Variants in FOXN3 observed in about 807,000 individuals in gnomAD.
FOXN3 encodes the protein forkhead box protein N3.
A neutral mutation model predicts 38.4 loss-of-function variants in FOXN3; 7 were observed. The ratio of observed to expected loss-of-function variants is 0.18; its 90% CI spans 0.10 to 0.34. FOXN3 has a LOEUF of 0.34. Ranked by LOEUF, FOXN3 falls within the 10% of genes least tolerant of loss-of-function variation. The pLI, the probability that FOXN3 is intolerant of heterozygous loss-of-function variation, is 1.00. For synonymous variants in FOXN3, 230 were observed against 242.2 expected, an observed-to-expected ratio of 0.95 and a Z score of 0.47; for missense variants, 456 against 613.4, an observed-to-expected ratio of 0.74 and a Z score of 2.71.
chr14:89,316,308 C>T, intron 3 of FOXN3, among the ~76,000 whole-genome samples: 1 of 152,072 alleles, frequency 6.6e-6, no homozygotes, highest in East Asian at 1.9e-4. Context: ...CCAGCTAACA[C>T]CACAAGGAAT....
At chr14:89,358,452 C>T (rs1264718419) in intron 2 of FOXN3, among the ~76,000 whole-genome samples, 1 of 152,200 alleles carries the variant, frequency 6.6e-6, no homozygotes, top group Non-Finnish European at 1.5e-5. Context: ...GGGATACAGA[C>T]ACGGACTAGA....
At chr14:89,615,524 G>C (rs191427716) in intron 1 of FOXN3, among the ~76,000 whole-genome samples, 2 of 152,134 alleles carry the variant, frequency 1.3e-5, no homozygotes, top group East Asian at 1.9e-4. Context: ...AGCCCCTTTC[G>C]AAACGAAGTG....
At chr14:89,388,568 T>G (rs1890854265) in intron 2 of FOXN3, among the ~76,000 whole-genome samples, 1 of 152,058 alleles carries the variant, frequency 6.6e-6, no homozygotes, top group African/African-American at 2.4e-5. Context: ...AGCACTGGGT[T>G]AGACTGACTG....
At chr14:89,195,548 C>T (rs1596094786) in intron 4 of FOXN3, among the ~76,000 whole-genome samples, 1 of 152,150 alleles carries the variant, frequency 6.6e-6, no homozygotes, top group Admixed American at 6.5e-5. Flanking sequence ...ACAGCGGGGG[C>T]TTCTGCTTCA....
chr14:89,309,546 A>G (rs1887470645), intron 3 of FOXN3, among the ~76,000 whole-genome samples: 1 of 138,522 alleles, frequency 7.2e-6, no homozygotes, highest in Non-Finnish European at 1.6e-5. Flanking sequence ...TTAACTGGGT[A>G]TAACTAACCA....
intron 1 of FOXN3, among the ~76,000 whole-genome samples, chr14:89,531,081 CAT>C (rs905740121): frequency 1.2e-4 from 18 of 145,902 alleles, no homozygotes; most frequent in African/African-American, 3.2e-4. Context: ...TATACACACA[CAT>C]ATATATACAC....
chr14:89,503,322 C>A (rs561335923), intron 1 of FOXN3, among the ~76,000 whole-genome samples: 4 of 151,670 alleles, frequency 2.6e-5, no homozygotes, highest in South Asian at 2.1e-4. Context: ...AAAAAAAAAA[C>A]CCATACAGCT....
chr14:89,286,395 G>A (rs1169366728), intron 3 of FOXN3, among the ~76,000 whole-genome samples: 1 of 152,088 alleles, frequency 6.6e-6, no homozygotes, highest in Non-Finnish European at 1.5e-5. Context: ...GGATGGGGTG[G>A]GGGGAAAAAG....
intron 1 of FOXN3, among the ~76,000 whole-genome samples, chr14:89,477,647 C>A (rs1893239148): frequency 6.6e-6 from 1 of 152,182 alleles, no homozygotes; most frequent in South Asian, 2.1e-4. Context: ...TACACCACGG[C>A]CAGCCAGGAT....
At chr14:89,614,442 C>G (rs766450955) in intron 1 of FOXN3, among the ~76,000 whole-genome samples, 1 of 152,166 alleles carries the variant, frequency 6.6e-6, no homozygotes, top group Non-Finnish European at 1.5e-5. Context: ...GGTCAGTCAT[C>G]TTTTTCTGTA....
intron 1 of FOXN3, among the ~76,000 whole-genome samples, chr14:89,469,666 G>A (rs1264682198): frequency 2.6e-5 from 4 of 152,214 alleles, no homozygotes; most frequent in Admixed American, 6.5e-5. Context: ...CCTTGCCCCA[G>A]TGGATGAACG....
At chr14:89,421,112 C>CTTCTTTCAT (rs1243360004), upstream of FOXN3, among the ~76,000 whole-genome samples, 2 of 145,042 alleles carry the variant, frequency 1.4e-5, no homozygotes, top group East Asian at 4.0e-4. Flanking sequence ...TTTTTGTGTG[C>CTTCTTTCAT]TTCTTTCATA....
intron 1 of FOXN3, among the ~76,000 whole-genome samples, chr14:89,604,089 T>C (rs1170943043): frequency 6.6e-6 from 1 of 152,238 alleles, no homozygotes; most frequent in Non-Finnish European, 1.5e-5. Context: ...TGCAGGTTGA[T>C]AATGATCCTA....
chr14:89,275,950 C>T (rs188725639), intron 4 of FOXN3, among the ~76,000 whole-genome samples: 193 of 152,262 alleles, frequency 1.3e-3, no homozygotes, highest in African/African-American at 4.2e-3. Flanking sequence ...TAAGTCCTTC[C>T]ATTACATTAG....
intron 2 of FOXN3, among the ~76,000 whole-genome samples, chr14:89,402,580 A>G (rs914931349): frequency 6.6e-6 from 1 of 152,226 alleles, no homozygotes; most frequent in East Asian, 1.9e-4. Flanking sequence ...ACCAAGCTCT[A>G]GCCAATAAGA....
intron 4 of FOXN3, chr14:89,190,600 C>T (rs181050540): frequency 1.7e-6 from 1 of 592,920 alleles, no homozygotes; most frequent in East Asian, 2.9e-5. Context: ...ACTTTCTTCC[C>T]AGTGGGATTT....
At chr14:89,281,639 G>C (rs982978069) in intron 3 of FOXN3, among the ~76,000 whole-genome samples, 7 of 152,148 alleles carry the variant, frequency 4.6e-5, no homozygotes, top group Admixed American at 3.9e-4. Context: ...CAAGAAAATA[G>C]GAGAGATCAA....
At chr14:89,243,921 G>C (rs1885213392) in intron 4 of FOXN3, among the ~76,000 whole-genome samples, 1 of 152,168 alleles carries the variant, frequency 6.6e-6, no homozygotes, top group Admixed American at 6.5e-5. Context: ...GTTCACATAA[G>C]GGCTCCCCTA....
At position 89,450,274 on chromosome 14, in the gene FOXN3, G is replaced by C. The variant is rs569729597; in HGVS notation, c.-14-37784C>G. Reference sequence around the variant, plus strand: ...TCTTCTATTAAGACACCAATCATTGGATTTAGGGCAACCTAATCCATGGTG... The same window carrying C: ...TCTTCTATTAAGACACCAATCATTGCATTTAGGGCAACCTAATCCATGGTG... On this transcript the variant is annotated intron_variant, in intron 1 of 6. Coordinates refer to the FOXN3 transcript ENST00000345097. Among the ~76,000 whole-genome samples, 11 of 152,276 alleles carry C rather than the reference G, an allele frequency of 7.2e-5. No individual in the cohort carries two copies. In the South Asian group the frequency reaches 2.1e-3, roughly 29 times the overall value.
Sources: allele counts gnomAD v4.1 joint callset (sites outside exome capture counted in the v4.1 genomes callset), GRCh38; gene constraint gnomAD v4.1.1; transcripts MANE v1.5; gene names NCBI Gene and HGNC (gene_info 2026-07-23, HGNC 2026-07-21).